BARX2: variants seen among roughly 807,000 people sequenced by gnomAD.
BARX2 encodes homeobox protein BarH-like 2.
In BARX2, 11 loss-of-function variants were observed where a neutral mutation model predicts 25.5. The ratio of observed to expected loss-of-function variants is 0.43; its 90% CI spans 0.27 to 0.71. BARX2 has a LOEUF of 0.71. BARX2 is among the 30% of genes least tolerant of loss of function. The pLI, the probability that BARX2 is intolerant of heterozygous loss-of-function variation, is 0.19. For missense variants in BARX2, 360 were observed against 359.9 expected, an observed-to-expected ratio of 1.00 and a Z score of 0.00; for synonymous variants, 137 against 149.5, an observed-to-expected ratio of 0.92 and a Z score of 0.61.
At chr11:129,447,296 C>T (rs1862342336) in intron 3 of BARX2, among the ~76,000 whole-genome samples, 1 of 152,162 alleles carries the variant, frequency 6.6e-6, no homozygotes, top group South Asian at 2.1e-4. Context: ...ATCTGAATAC[C>T]TCGTTGCAGA....
chr11:129,451,406 A>G lies in BARX2; in HGVS notation c.*4A>G, dbSNP rs775316915. ...GGAACCCCCACCATTAAGCTAAAGTAAAACCCTTTTGAGGGAAGAGGGAGA... is the reference window on the plus strand; with the variant it reads ...GGAACCCCCACCATTAAGCTAAAGTGAAACCCTTTTGAGGGAAGAGGGAGA... On this transcript the variant is annotated 3_prime_UTR_variant, in exon 4 of 4. Coordinates refer to ENST00000281437, the MANE Select transcript of BARX2 (RefSeq NM_003658.5). The G allele has an allele frequency of 1.7e-5, 28 of 1,610,092 alleles. No individual in the cohort carries two copies. Among genetic ancestry groups the G allele is most frequent in the Non-Finnish European group, 2.5e-6 (3 of 1,176,654 alleles).
At chr11:129,382,496 A>G (rs572717433) in intron 1 of BARX2, among the ~76,000 whole-genome samples, 276 of 152,140 alleles carry the variant, frequency 1.8e-3, no homozygotes, top group Non-Finnish European at 2.2e-3. Context: ...CTTAATTTGT[A>G]CTGAGCTCGT....
chr11:129,442,115 A>G (rs1241385701), intron 2 of BARX2, among the ~76,000 whole-genome samples: 1 of 152,202 alleles, frequency 6.6e-6, no homozygotes, highest in Non-Finnish European at 1.5e-5. Context: ...TTATTTATTT[A>G]TAACATTTTA....
intron 1 of BARX2, among the ~76,000 whole-genome samples, chr11:129,430,031 G>A (rs572341728): frequency 1.1e-4 from 16 of 152,004 alleles, no homozygotes; most frequent in South Asian, 6.2e-4. Flanking sequence ...CATACATTGT[G>A]TTCCCAATTT....
At chr11:129,422,445 C>A (rs1360130256) in intron 1 of BARX2, among the ~76,000 whole-genome samples, 1 of 151,900 alleles carries the variant, frequency 6.6e-6, no homozygotes, top group Non-Finnish European at 1.5e-5. Flanking sequence ...ACTACAGGCA[C>A]ACACCACCAC....
chr11:129,432,778 TAAAA>T (rs1862143821), intron 1 of BARX2, among the ~76,000 whole-genome samples: 1 of 152,114 alleles, frequency 6.6e-6, no homozygotes, highest in African/African-American at 2.4e-5. Context: ...TAAAAAATTT[TAAAA>T]AAAAGATACG....
chr11:129,432,258 C>T (rs1862138298), intron 1 of BARX2, among the ~76,000 whole-genome samples: 1 of 151,994 alleles, frequency 6.6e-6, no homozygotes, highest in African/African-American at 2.4e-5. Flanking sequence ...GACGGGCTTT[C>T]GTCATATTGG....
intron 3 of BARX2, 141 bp from the exon 4 acceptor site, chr11:129,450,995 G>T (rs191874406): frequency 1.3e-5 from 13 of 983,490 alleles, no homozygotes; most frequent in Non-Finnish European, 2.0e-5. Flanking sequence ...GAGGTGATGG[G>T]TTGAGAATAT....
At chr11:129,412,552 C>T (rs1861900890) in intron 1 of BARX2, among the ~76,000 whole-genome samples, 1 of 152,218 alleles carries the variant, frequency 6.6e-6, no homozygotes, top group Non-Finnish European at 1.5e-5. Context: ...AGCTCAAAGG[C>T]AGTCTGCACT....
At chr11:129,425,381 G>C (rs887029944) in intron 1 of BARX2, among the ~76,000 whole-genome samples, 16 of 152,224 alleles carry the variant, frequency 1.1e-4, no homozygotes, top group Non-Finnish European at 2.2e-4. Flanking sequence ...AACAGCAGCT[G>C]TTCCTGGCAG....
chr11:129,429,164 A>G (rs1862101474), intron 1 of BARX2, among the ~76,000 whole-genome samples: 1 of 152,186 alleles, frequency 6.6e-6, no homozygotes. Context: ...AAATTAATCT[A>G]TAAGGTTAGT....
chr11:129,397,797 A>G (rs1397240550), intron 1 of BARX2, among the ~76,000 whole-genome samples: 1 of 152,250 alleles, frequency 6.6e-6, no homozygotes, highest in African/African-American at 2.4e-5. Context: ...TTGGCCGAGC[A>G]GTTGGTGAGG....
chr11:129,376,633 T>A lies in BARX2; in HGVS notation c.187+411T>A, dbSNP rs1861507759. Among the ~76,000 whole-genome samples the A allele has an allele frequency of 6.6e-6, 1 of 152,244 alleles. No homozygotes were observed. The highest frequency in any genetic ancestry group is 1.5e-5 in the Non-Finnish European group (1 of 68,042). On this transcript the variant is annotated intron_variant, in intron 1 of 3. Coordinates refer to ENST00000281437, the MANE Select transcript of BARX2 (RefSeq NM_003658.5). This position sits in a 1 kb window ranked among gnomAD's most constrained non-coding sequence, Gnocchi z 4.2. ...TCACCTTGAGTTAACTTGTCCAGCC[T>A]CCTACTGTCTCCACTGTGAATTTTG... is the stretch of plus-strand genomic sequence containing the variant.
intron 3 of BARX2, among the ~76,000 whole-genome samples, chr11:129,448,622 A>G (rs1240805856): frequency 2.0e-5 from 3 of 152,256 alleles, no homozygotes; most frequent in African/African-American, 4.8e-5. Context: ...ACAGCCATCA[A>G]CAAGTGTTGG....
rs566070720 is a variant in BARX2, at chr11:129,443,409, G to A, written c.573+490G>A. On this transcript the variant is annotated intron_variant, in intron 3 of 3. Transcript: ENST00000281437. ...GTCAGTACTCTTTGTTTATAATGAC[G>A]TAGAGGATGCATCTGTTCTTTTGGC... is the stretch of plus-strand genomic sequence containing the variant. Among the ~76,000 whole-genome samples, 12 of 152,006 alleles carry A rather than the reference G, an allele frequency of 7.9e-5. No homozygotes were observed. The South Asian group carries it at 1.3e-3, about 16-fold the overall frequency.
intron 1 of BARX2, among the ~76,000 whole-genome samples, chr11:129,403,474 G>T (rs895398748): frequency 6.6e-6 from 1 of 152,086 alleles, no homozygotes; most frequent in African/African-American, 2.4e-5. Flanking sequence ...CATACCGTAG[G>T]CCACAGTCCC....
At chr11:129,383,425 A>G (rs908412556) in intron 1 of BARX2, among the ~76,000 whole-genome samples, 3 of 152,292 alleles carry the variant, frequency 2.0e-5, no homozygotes, top group Admixed American at 6.5e-5. Flanking sequence ...AATCCTACAT[A>G]TGATTGCTCT....
At chr11:129,384,453 T>C (rs1244257172) in intron 1 of BARX2, among the ~76,000 whole-genome samples, 2 of 152,146 alleles carry the variant, frequency 1.3e-5, no homozygotes, top group Non-Finnish European at 2.9e-5. Context: ...CCCACCTTTC[T>C]TTCCCAGAGT....
At chr11:129,386,616 G>T (rs1196016098) in intron 1 of BARX2, among the ~76,000 whole-genome samples, 1 of 152,216 alleles carries the variant, frequency 6.6e-6, no homozygotes, top group Non-Finnish European at 1.5e-5. Context: ...TTGTTTGGAG[G>T]AGTAAACCTG....
Sources: gnomAD v4.1 joint callset for allele counts (sites outside exome capture counted in the v4.1 genomes callset) on GRCh38, gnomAD v4.1.1 for gene constraint, Gnocchi (gnomAD v3.1) non-coding constraint, MANE v1.5 for transcripts, NCBI Gene and HGNC (gene_info 2026-07-23, HGNC 2026-07-21) for gene names.